Variants in OR4N2 observed in about 807,000 individuals in gnomAD.
The protein encoded by OR4N2 is olfactory receptor 4N2.
For missense variants in OR4N2, 307 were observed against 377.6 expected, an observed-to-expected ratio of 0.81 and a Z score of 1.55; for synonymous variants, 141 against 140.4, an observed-to-expected ratio of 1.00 and a Z score of -0.03.
intron 1 of OR4N2, among the ~76,000 whole-genome samples, chr14:19,813,393 G>A (rs1442888313): frequency 6.6e-6 from 1 of 152,238 alleles, no homozygotes; most frequent in Non-Finnish European, 1.5e-5. Context: ...GTAGTAAGAA[G>A]AATTTACCAA....
At chr14:19,809,312 CTGAGTCCT>C (rs2138462368) in intron 1 of OR4N2, among the ~76,000 whole-genome samples, 1 of 152,316 alleles carries the variant, frequency 6.6e-6, no homozygotes, top group South Asian at 2.1e-4. Flanking sequence ...GAATTTTTGG[CTGAGTCCT>C]CAAAGGTAAT....
intron 1 of OR4N2, among the ~76,000 whole-genome samples, chr14:19,826,847 G>A (rs1216990082): frequency 6.6e-5 from 10 of 152,314 alleles, no homozygotes; most frequent in Non-Finnish European, 1.2e-4. Flanking sequence ...TGGGATTCTC[G>A]TGAACAGTCT....
chr14:19,818,545 C>G (rs1879484315), intron 1 of OR4N2, among the ~76,000 whole-genome samples: 1 of 152,164 alleles, frequency 6.6e-6, no homozygotes, highest in African/African-American at 2.4e-5. Flanking sequence ...GTAAATTTTC[C>G]TCCATCCCTT....
chr14:19,811,962 G>A (rs1879307167), intron 1 of OR4N2, among the ~76,000 whole-genome samples: 1 of 152,170 alleles, frequency 6.6e-6, no homozygotes, highest in African/African-American at 2.4e-5. Context: ...GTTTTTTAAA[G>A]GTATTAATAT....
chr14:19,804,967 G>A (rs144781709), intron 1 of OR4N2, among the ~76,000 whole-genome samples: 13 of 151,884 alleles, frequency 8.6e-5, no homozygotes, highest in East Asian at 7.7e-4. Context: ...TGTCTTTTTC[G>A]ATTATTATTG....
Position 19,827,967 on chromosome 14 carries a change from G to A in OR4N2, c.519G>A (p.Gln173=). The change falls in exon 2 of 2, where the codon CAG becomes CAA. Residue 173 remains glutamine, a synonymous_variant. Transcript: ENST00000557677. ...GCTTGCCTTTTTGTGGCCCAAACCA[G>A]CTGGACAACTTCTTCTGTGATGTCC... ...ILRLPFCGPN[Q]LDNFFCDVPQ... 6.2e-7 allele frequency: 1 copy of A among 1,614,230 alleles called. No homozygotes were observed. The highest frequency in any genetic ancestry group is 8.5e-7 in the Non-Finnish European group (1 of 1,180,048).
intron 1 of OR4N2, among the ~76,000 whole-genome samples, chr14:19,812,714 T>G (rs1467796859): frequency 6.6e-6 from 1 of 152,256 alleles, no homozygotes; most frequent in Admixed American, 6.5e-5. Flanking sequence ...TATCTCATTG[T>G]GGTTTTGATT....
chr14:19,807,794 C>G (rs533412062), intron 1 of OR4N2, among the ~76,000 whole-genome samples: 1 of 152,210 alleles, frequency 6.6e-6, no homozygotes, highest in South Asian at 2.1e-4. Context: ...AACAAATCAT[C>G]AGGCCAATAT....
At chr14:19,805,869 C>G (rs2138457763) in intron 1 of OR4N2, among the ~76,000 whole-genome samples, 1 of 152,256 alleles carries the variant, frequency 6.6e-6, no homozygotes, top group South Asian at 2.1e-4. Flanking sequence ...AGGCTAGCAG[C>G]AGAACTTTCA....
chr14:19,806,335 A>G (rs1457309495), intron 1 of OR4N2, among the ~76,000 whole-genome samples: 1 of 149,914 alleles, frequency 6.7e-6, no homozygotes, highest in Admixed American at 6.6e-5. Context: ...AGACCAATCT[A>G]TATGTAATGA....
rs756343717 is a variant in OR4N2 at position 19,828,187 on chromosome 14, A to T, written c.739A>T (p.Ile247Leu). 3.2e-5 allele frequency: 52 copies of T among 1,614,064 alleles called. No individual in the cohort carries two copies. Among genetic ancestry groups the T allele is most frequent in the Non-Finnish European group, 3.9e-5 (46 of 1,180,030 alleles). The change falls in exon 2 of 2, where the codon ATA (isoleucine) becomes TTA (leucine). Residue 247 changes from isoleucine to leucine, a missense_variant. Transcript: ENST00000557677. ...CACGTGCATCACCCATATCATTGTT[A>T]TATTCTTCATGTTTGGACCTGGCAT... ...MSTCITHIIV[I>L]FFMFGPGIFI...
At chr14:19,817,899 A>G (rs1198670877) in intron 1 of OR4N2, among the ~76,000 whole-genome samples, 3 of 152,234 alleles carry the variant, frequency 2.0e-5, no homozygotes, top group Admixed American at 6.5e-5. Flanking sequence ...CTTTGTTCTC[A>G]TTGGTTTCAA....
At chr14:19,823,282 C>T (rs1209820373) in intron 1 of OR4N2, among the ~76,000 whole-genome samples, 1 of 152,076 alleles carries the variant, frequency 6.6e-6, no homozygotes, top group African/African-American at 2.4e-5. Context: ...CATTAGGATG[C>T]TACTAATGAA....
At chr14:19,811,212 A>G (rs900283644) in intron 1 of OR4N2, among the ~76,000 whole-genome samples, 1 of 152,260 alleles carries the variant, frequency 6.6e-6, no homozygotes. Flanking sequence ...TTACAAGGAA[A>G]GATGATTTCT....
chr14:19,821,419 C>T (rs1305616021), intron 1 of OR4N2, among the ~76,000 whole-genome samples: 3 of 151,518 alleles, frequency 2.0e-5, no homozygotes, highest in African/African-American at 7.3e-5. Flanking sequence ...TTGGTGAAGC[C>T]TTTAATTGAA....
At chr14:19,813,062 A>T (rs1020137049) in intron 1 of OR4N2, among the ~76,000 whole-genome samples, 6 of 152,246 alleles carry the variant, frequency 3.9e-5, no homozygotes, top group African/African-American at 1.4e-4. Flanking sequence ...ACTATTTTAG[A>T]TCTTCAGATT....
At chr14:19,826,132 G>T (rs1262318273) in intron 1 of OR4N2, among the ~76,000 whole-genome samples, 1 of 152,182 alleles carries the variant, frequency 6.6e-6, no homozygotes, top group South Asian at 2.1e-4. Context: ...GTTATACACC[G>T]ACTAAATATA....
intron 1 of OR4N2, among the ~76,000 whole-genome samples, chr14:19,812,315 T>G (rs1336170486): frequency 8.4e-6 from 1 of 118,558 alleles, no homozygotes; most frequent in Non-Finnish European, 1.9e-5. Context: ...TTTTTTTTTC[T>G]TTTCTTTTCT....
At chr14:19,818,115 T>C (rs1401048381) in intron 1 of OR4N2, among the ~76,000 whole-genome samples, 1 of 152,258 alleles carries the variant, frequency 6.6e-6, no homozygotes. Context: ...AAGTATGTGG[T>C]CAATTTTATA....
Sources: allele counts gnomAD v4.1 joint callset (sites outside exome capture counted in the v4.1 genomes callset), GRCh38; gene constraint gnomAD v4.1.1; transcripts MANE v1.5; gene names NCBI Gene and HGNC (gene_info 2026-07-23, HGNC 2026-07-21).